ARHGAP22: variants seen among roughly 807,000 people sequenced by gnomAD.
The protein encoded by ARHGAP22 is rho GTPase-activating protein 22.
ARHGAP22 carries 48 observed loss-of-function variants against 59.1 expected under a neutral mutation model. The ratio of observed to expected loss-of-function variants is 0.81; its 90% CI spans 0.64 to 1.03. The LOEUF (loss-of-function observed/expected upper bound fraction) is 1.03. Among genes scored for constraint, ARHGAP22 ranks in the 50% least tolerant of loss-of-function variants. The pLI, the probability that ARHGAP22 is intolerant of heterozygous loss-of-function variation, is 0.00. For synonymous variants in ARHGAP22, 445 were observed against 416.4 expected, an observed-to-expected ratio of 1.07 and a Z score of -0.84; for missense variants, 1,015 against 958.7, an observed-to-expected ratio of 1.06 and a Z score of -0.78.
At chr10:48,539,072 A>C (rs1329105855) in intron 3 of ARHGAP22, among the ~76,000 whole-genome samples, 1 of 152,200 alleles carries the variant, frequency 6.6e-6, no homozygotes, top group Non-Finnish European at 1.5e-5. Flanking sequence ...TTAGCTTGGA[A>C]CGTCTCACCA....
intron 4 of ARHGAP22, among the ~76,000 whole-genome samples, chr10:48,478,579 G>A (rs1282356141): frequency 6.6e-6 from 1 of 152,224 alleles, no homozygotes; most frequent in Non-Finnish European, 1.5e-5. Flanking sequence ...TGTGTGGTCA[G>A]AGCCCAGCCA....
At chr10:48,534,195 C>T (rs2055133656) in intron 3 of ARHGAP22, among the ~76,000 whole-genome samples, 2 of 152,232 alleles carry the variant, frequency 1.3e-5, no homozygotes. Flanking sequence ...GTCTGCAGCT[C>T]CAAATTCCCA....
chr10:48,591,592 G>A (rs115791603), intron 1 of ARHGAP22, among the ~76,000 whole-genome samples: 291 of 152,136 alleles, frequency 1.9e-3, no homozygotes, highest in African/African-American at 6.6e-3. Context: ...AAAGTTTGGC[G>A]ATATCACATG....
chr10:48,604,601 C>A (rs917244117), intron 1 of ARHGAP22, among the ~76,000 whole-genome samples, 162 bp downstream of exon 1: 5 of 152,190 alleles, frequency 3.3e-5, no homozygotes, highest in African/African-American at 1.2e-4. Flanking sequence ...AGGAGTTTCA[C>A]GAGGAAGGGC....
chr10:48,603,474 C>CT (rs1205420042), intron 1 of ARHGAP22, among the ~76,000 whole-genome samples: 6 of 152,124 alleles, frequency 3.9e-5, no homozygotes, highest in African/African-American at 1.4e-4. Context: ...ATTGTACATT[C>CT]TTTTTTTGTA....
chr10:48,612,702 T>C (rs2060941088), intron 1 of ARHGAP22, among the ~76,000 whole-genome samples: 1 of 152,262 alleles, frequency 6.6e-6, no homozygotes, highest in African/African-American at 2.4e-5. Flanking sequence ...TGGCTTTAGC[T>C]GATTTGGATT....
rs2046971296 is a variant in ARHGAP22, at chr10:48,459,887, G to A, written c.456C>T (p.Ile152=). 1 of 1,611,854 alleles carries A rather than the reference G, an allele frequency of 6.2e-7. No individual in the cohort carries two copies. The highest frequency in any genetic ancestry group is 1.3e-5 in the African/African-American group (1 of 74,908). ...RVIWAPLGGG[I]FGQRLEETVH... is the part of the protein sequence containing the mutation. The stretch of plus-strand genomic sequence containing the variant: ...CTGTTTCCTCTAGGCGCTGCCCAAA[G>A]ATCCCTGAGCACAGAGAGGAGCTAG... The change falls in exon 5 of 10, where the codon ATC becomes ATT. Residue 152 remains isoleucine (I), a synonymous_variant. Coordinates refer to ENST00000249601, the MANE Select transcript of ARHGAP22 (RefSeq NM_021226.4).
At chr10:48,611,931 T>C (rs2060910861) in intron 1 of ARHGAP22, among the ~76,000 whole-genome samples, 1 of 138,016 alleles carries the variant, frequency 7.2e-6, no homozygotes, top group African/African-American at 2.7e-5. Context: ...CATGCAATTG[T>C]TCTGCCTCAG....
intron 3 of ARHGAP22, among the ~76,000 whole-genome samples, chr10:48,483,433 T>C (rs1479212306): frequency 3.0e-4 from 46 of 152,220 alleles, no homozygotes; most frequent in Admixed American, 2.7e-3. Context: ...AGCAGTGGAA[T>C]TGCTGGATCA....
intron 2 of ARHGAP22, among the ~76,000 whole-genome samples, chr10:48,567,361 C>T (rs1286399045): frequency 1.3e-5 from 2 of 152,168 alleles, no homozygotes; most frequent in African/African-American, 2.4e-5. Flanking sequence ...TGCCATGCCA[C>T]GTTGGGAAGA....
At chr10:48,481,863 A>G (rs1214433849) in intron 3 of ARHGAP22, among the ~76,000 whole-genome samples, 1 of 152,156 alleles carries the variant, frequency 6.6e-6, no homozygotes, top group Admixed American at 6.5e-5. Flanking sequence ...ATGACTGATG[A>G]TATTGGACAT....
chr10:48,441,940 T>C (rs1467917959), downstream of ARHGAP22, among the ~76,000 whole-genome samples: 1 of 152,192 alleles, frequency 6.6e-6, no homozygotes, highest in Non-Finnish European at 1.5e-5. Context: ...TGCCTCACAC[T>C]GGGATCCCCT....
chr10:48,635,494 C>T (rs2061780743), intron 1 of ARHGAP22, among the ~76,000 whole-genome samples: 1 of 152,206 alleles, frequency 6.6e-6, no homozygotes, highest in African/African-American at 2.4e-5. Context: ...TTCTCTGAAG[C>T]CACAGGGACC....
chr10:48,644,376 T>C (rs1048742192), intron 1 of ARHGAP22, among the ~76,000 whole-genome samples: 1 of 152,194 alleles, frequency 6.6e-6, no homozygotes, highest in Non-Finnish European at 1.5e-5. Context: ...ATAGAACAAC[T>C]AGACAGAATA....
At chr10:48,614,187 C>G (rs1173888900) in intron 1 of ARHGAP22, among the ~76,000 whole-genome samples, 2 of 152,114 alleles carry the variant, frequency 1.3e-5, no homozygotes, top group Non-Finnish European at 2.9e-5. Flanking sequence ...GGGAGAAAAC[C>G]CTGGGGAATA....
intron 4 of ARHGAP22, among the ~76,000 whole-genome samples, chr10:48,465,370 G>A (rs950807347): frequency 1.3e-5 from 2 of 152,252 alleles, no homozygotes; most frequent in East Asian, 3.8e-4. Flanking sequence ...ACACCGGAGA[G>A]GAAGCCCAGG....
At chr10:48,583,184 A>G in intron 1 of ARHGAP22, 32 bp from the exon 2 acceptor site, 1 of 1,598,354 alleles carries the variant, frequency 6.3e-7, no homozygotes, top group Non-Finnish European at 8.5e-7. Context: ...AGTGAGCATG[A>G]AGGCAGCGTG....
intron 8 of ARHGAP22, chr10:48,451,448 G>A (rs1564667818): frequency 5.7e-6 from 4 of 702,658 alleles, no homozygotes; most frequent in Admixed American, 2.0e-5. Flanking sequence ...AAGGCTGCAC[G>A]GTGAGCAGGT....
chr10:48,511,090 G>T (rs1255027587), intron 3 of ARHGAP22, among the ~76,000 whole-genome samples: 1 of 152,228 alleles, frequency 6.6e-6, no homozygotes, highest in Non-Finnish European at 1.5e-5. Context: ...GTGGCTGTTT[G>T]CAGGCAGGTG....
Sources: gnomAD v4.1 joint callset for allele counts (sites outside exome capture counted in the v4.1 genomes callset) on GRCh38, gnomAD v4.1.1 for gene constraint, MANE v1.5 for transcripts, NCBI Gene and HGNC (gene_info 2026-07-23, HGNC 2026-07-21) for gene names.